The following ROBO2 variants were observed in gnomAD, a reference collection of about 807,000 sequenced individuals.
ROBO2 encodes the protein roundabout guidance receptor 2, also known as roundabout homolog 2.
In ROBO2, 53 loss-of-function variants were observed where a neutral mutation model predicts 160.8. The observed-to-expected ratio is 0.33, with a 90% CI of 0.26 to 0.41. ROBO2 has a LOEUF of 0.41. Among genes scored for constraint, ROBO2 ranks in the 10% least tolerant of loss-of-function variants. The pLI, the probability that ROBO2 is intolerant of heterozygous loss-of-function variation, is 1.00. For missense variants in ROBO2, 1,577 were observed against 1,722.4 expected (o/e 0.92, Z 1.49); for synonymous variants, 664 against 611.7 (o/e 1.09, Z -1.26).
intron 8 of ROBO2, among the ~76,000 whole-genome samples, chr3:77,552,696 G>C (rs1462516054): frequency 6.6e-6 from 1 of 151,956 alleles, no homozygotes; most frequent in Non-Finnish European, 1.5e-5. Flanking sequence ...AGATCCTTTT[G>C]CAGAGACATT....
chr3:76,103,993 A>G (rs939436928), intron 2 of ROBO2, among the ~76,000 whole-genome samples: 1 of 152,134 alleles, frequency 6.6e-6, no homozygotes, highest in African/African-American at 2.4e-5. Flanking sequence ...CCCTTGGTGC[A>G]TGTTTCACTT....
At chr3:76,451,578 G>T (rs1354510677) in intron 2 of ROBO2, among the ~76,000 whole-genome samples, 1 of 152,134 alleles carries the variant, frequency 6.6e-6, no homozygotes, top group Non-Finnish European at 1.5e-5. Context: ...GCTGCTCCAG[G>T]TGAATGGGGG....
At chr3:77,184,937 A>G (rs975496768) in intron 2 of ROBO2, among the ~76,000 whole-genome samples, 15 of 152,064 alleles carry the variant, frequency 9.9e-5, no homozygotes, top group African/African-American at 3.1e-4. Context: ...CATAGATGGC[A>G]TGTAGTAGCT....
chr3:77,392,503 C>A (rs2153502148), intron 2 of ROBO2, among the ~76,000 whole-genome samples: 1 of 152,274 alleles, frequency 6.6e-6, no homozygotes, highest in South Asian at 2.1e-4. Context: ...CTTACTTGTT[C>A]TTGTTTAACA....
Position 76,028,811 on chromosome 3 carries a change from C to T in ROBO2, c.109+91209C>T, listed in dbSNP as rs139253402. On this transcript the variant is annotated intron_variant, in intron 2 of 26. Coordinates refer to the ROBO2 transcript ENST00000487694. Reference sequence around the variant, plus strand: ...GATTTTAAATTTGCATTGAAAAATGCCATGATTATTAAAAATTTTTACATA... The same window carrying T: ...GATTTTAAATTTGCATTGAAAAATGTCATGATTATTAAAAATTTTTACATA... Among the ~76,000 whole-genome samples, 12 of 151,734 alleles carry T rather than the reference C, an allele frequency of 7.9e-5. No homozygotes were observed. The East Asian group carries it at 1.9e-3, about 25-fold the overall frequency.
chr3:77,589,652 C>T (rs1292391310), intron 17 of ROBO2, among the ~76,000 whole-genome samples: 1 of 151,954 alleles, frequency 6.6e-6, no homozygotes, highest in East Asian at 1.9e-4. Flanking sequence ...ATAATGTGGC[C>T]TTCAAAATAT....
chr3:76,952,679 CTG>C (rs1307945328), intron 2 of ROBO2, among the ~76,000 whole-genome samples: 2 of 151,694 alleles, frequency 1.3e-5, no homozygotes, highest in Non-Finnish European at 2.9e-5. Flanking sequence ...GTTAGTATAT[CTG>C]TGTGTGTATA....
chr3:76,407,844 C>T (rs1301583296), intron 2 of ROBO2, among the ~76,000 whole-genome samples: 1 of 152,046 alleles, frequency 6.6e-6, no homozygotes, highest in Non-Finnish European at 1.5e-5. Flanking sequence ...CAACCCATGG[C>T]CCATGAGCCT....
At chr3:76,741,398 C>T (rs2093799674) in intron 2 of ROBO2, among the ~76,000 whole-genome samples, 2 of 151,972 alleles carry the variant, frequency 1.3e-5, no homozygotes, top group Non-Finnish European at 2.9e-5. Context: ...TGTGCCTAAT[C>T]ATTATTAAAG....
chr3:76,589,094 G>T (rs1027949442), intron 2 of ROBO2, among the ~76,000 whole-genome samples: 5 of 152,148 alleles, frequency 3.3e-5, no homozygotes, highest in Admixed American at 6.5e-5. Flanking sequence ...TGCTAAGAGA[G>T]TGTATCTTAG....
intron 1 of ROBO2, among the ~76,000 whole-genome samples, chr3:75,925,635 G>A (rs1320836723): frequency 6.6e-6 from 1 of 152,176 alleles, no homozygotes; most frequent in East Asian, 1.9e-4. Flanking sequence ...AGTTATTTCA[G>A]TTGAAGACCA....
intron 2 of ROBO2, among the ~76,000 whole-genome samples, chr3:76,223,375 G>A (rs1256602115): frequency 6.6e-6 from 1 of 151,904 alleles, no homozygotes; most frequent in Non-Finnish European, 1.5e-5. Context: ...CCTTTGGTGT[G>A]GGGAAGTAGG....
chr3:76,093,164 T>C (rs13058988), intron 2 of ROBO2, among the ~76,000 whole-genome samples: 1 of 152,144 alleles, frequency 6.6e-6, no homozygotes, highest in Admixed American at 6.5e-5. Flanking sequence ...CTGTTGTCTT[T>C]ATGTGAATGA....
At chr3:76,678,123 A>T (rs1305769855) in intron 2 of ROBO2, among the ~76,000 whole-genome samples, 1 of 150,814 alleles carries the variant, frequency 6.6e-6, no homozygotes, top group Non-Finnish European at 1.5e-5. Flanking sequence ...GGCACACACC[A>T]CCACGCCCGG....
chr3:76,058,695 A>G (rs552346230), intron 2 of ROBO2, among the ~76,000 whole-genome samples: 238 of 147,610 alleles, frequency 1.6e-3, no homozygotes, highest in African/African-American at 4.1e-3. Context: ...CATGTGCACA[A>G]CGTGCAGGTT....
At chr3:76,926,862 A>G (rs750595974) in intron 2 of ROBO2, among the ~76,000 whole-genome samples, 12 of 151,930 alleles carry the variant, frequency 7.9e-5, no homozygotes, top group Non-Finnish European at 1.8e-4. Context: ...CTATTTACTA[A>G]CTCAGTTCAT....
chr3:77,626,692 A>C (rs775916299), intron 23 of ROBO2, among the ~76,000 whole-genome samples: 21 of 152,336 alleles, frequency 1.4e-4, no homozygotes, highest in Non-Finnish European at 2.5e-4. Context: ...GAGAGAGTGC[A>C]GGGGGAAAAT....
At chr3:77,629,674 A>T (rs1284653418) in intron 23 of ROBO2, 1 of 152,234 alleles carries the variant, frequency 6.6e-6, no homozygotes, top group Non-Finnish European at 1.5e-5. Context: ...TATACTATTT[A>T]TATAGTGTCA....
At chr3:76,888,609 G>C (rs2074099136) in intron 2 of ROBO2, among the ~76,000 whole-genome samples, 1 of 152,130 alleles carries the variant, frequency 6.6e-6, no homozygotes, top group African/African-American at 2.4e-5. Context: ...AATTGATATA[G>C]TATATAGGAA....
Sources: allele counts gnomAD v4.1 joint callset (sites outside exome capture counted in the v4.1 genomes callset), GRCh38; gene constraint gnomAD v4.1.1; transcripts MANE v1.5; gene names NCBI Gene and HGNC (gene_info 2026-07-23, HGNC 2026-07-21).